The following MAU2 variants were observed in gnomAD, a reference collection of about 807,000 sequenced individuals.
MAU2 encodes the protein MAU2 sister chromatid cohesion factor.
Under a neutral mutation model 89.1 loss-of-function variants are expected in MAU2, and 9 were observed. The observed-to-expected ratio is 0.10, with a 90% CI of 0.06 to 0.18. The LOEUF is 0.18. Ranked by LOEUF, MAU2 falls within the 10% of genes least tolerant of loss-of-function variation. The pLI is 1.00. For missense variants in MAU2, 425 were observed against 803.5 expected, an observed-to-expected ratio of 0.53 and a Z score of 5.69; for synonymous variants, 357 against 343.4, an observed-to-expected ratio of 1.04 and a Z score of -0.44.
chr19:19,344,583 G>A (rs921280093), intron 10 of MAU2: 1 of 550,388 alleles, frequency 1.8e-6, no homozygotes, highest in Non-Finnish European at 3.3e-6. Flanking sequence ...GAGGGCATGG[G>A]GGCCCTCAGT....
chr19:19,334,695 T>C (rs946035983), intron 1 of MAU2: 15 of 743,524 alleles, frequency 2.0e-5, no homozygotes, highest in Non-Finnish European at 2.5e-5. Context: ...TGTTGCCGCA[T>C]GAGTGGCAGA....
In MAU2 at chr19:19,341,182, C is replaced by A. The variant is rs562960683; in HGVS notation, c.580-70C>A. 14 of 1,535,810 alleles carry A rather than the reference C, an allele frequency of 9.1e-6. No individual in the cohort carries two copies. The South Asian group carries it at 1.7e-4, about 19-fold the overall frequency. On this transcript the variant is annotated intron_variant, in intron 6 of 18. Transcript: ENST00000262815. ...AGTCCCAGGGCAGGTGGGCAGGTGA[C>A]CCTGTGCTCCCGGTCCTGGGAGGGC... is the stretch of plus-strand genomic sequence containing the variant.
chr19:19,355,656 T>A (rs1443664769), intron 18 of MAU2, 52 bp from the exon 19 acceptor site: 2 of 1,497,938 alleles, frequency 1.3e-6, no homozygotes, highest in South Asian at 1.2e-5. Flanking sequence ...AACCTCTTCT[T>A]CCCTGGGAAC....
intron 3 of MAU2, among the ~76,000 whole-genome samples, chr19:19,336,407 C>T (rs1442607270): frequency 1.3e-5 from 2 of 152,090 alleles, no homozygotes; most frequent in African/African-American, 4.8e-5. Flanking sequence ...TCAAGTGATC[C>T]TCCCACCTCA....
chr19:19,348,824 T>C (rs555286588), intron 13 of MAU2, 65 bp from the exon 14 acceptor site: 1 of 1,540,322 alleles, frequency 6.5e-7, no homozygotes, highest in African/African-American at 1.4e-5. Flanking sequence ...TGCACTGCAG[T>C]GTGTCTTGGG....
chr19:19,354,292 T>G, intron 16 of MAU2, 63 bp from the exon 17 acceptor site: 1 of 1,344,140 alleles, frequency 7.4e-7, no homozygotes, highest in Non-Finnish European at 1.1e-6. Flanking sequence ...CACCCCAACC[T>G]GGGCTGGGTT....
intron 1 of MAU2, chr19:19,321,503 C>T (rs763038903): frequency 1.1e-5 from 2 of 186,764 alleles, no homozygotes; most frequent in Non-Finnish European, 2.2e-5. Flanking sequence ...CTATTAGCTC[C>T]TCCTGGTTCA....
chr19:19,354,739 C>T (rs2048158278), intron 17 of MAU2: 1 of 461,630 alleles, frequency 2.2e-6, no homozygotes, highest in Non-Finnish European at 4.0e-6. Flanking sequence ...CTTGCTTCTT[C>T]CCGGAAAGGC....
chr19:19,322,363 C>T (rs894699201), intron 1 of MAU2, among the ~76,000 whole-genome samples: 1 of 152,074 alleles, frequency 6.6e-6, no homozygotes, highest in Admixed American at 6.6e-5. Flanking sequence ...TTTTGGGAGG[C>T]GGAGGCAGAC....
intron 2 of MAU2, 53 bp downstream of exon 2, chr19:19,335,788 A>G (rs2061591338): frequency 1.3e-6 from 2 of 1,592,966 alleles, no homozygotes; most frequent in African/African-American, 2.7e-5. Flanking sequence ...CACTTAAATA[A>G]AAAGAATGTA....
rs530648459 is a variant in MAU2, at chr19:19,337,620, G to T, written c.456+355G>T. Among the ~76,000 whole-genome samples the T allele has an allele frequency of 6.6e-5, 10 of 152,300 alleles. No individual in the cohort carries two copies. The South Asian group carries it at 2.1e-3, about 32-fold the overall frequency. ...ATCTCATCTTTGGCCTGCACTCATTGAAATCCCAGGAACATTTCCTGCCAG... is the reference window on the plus strand; with the variant it reads ...ATCTCATCTTTGGCCTGCACTCATTTAAATCCCAGGAACATTTCCTGCCAG... On this transcript the variant is annotated intron_variant, in intron 4 of 18. Coordinates refer to ENST00000262815, the MANE Select transcript of MAU2 (RefSeq NM_015329.4).
intron 1 of MAU2, 119 bp downstream of exon 1, chr19:19,321,254 G>A (rs937283650): frequency 1.9e-5 from 23 of 1,233,034 alleles, no homozygotes; most frequent in Non-Finnish European, 2.2e-5. Context: ...CGCGACCTCC[G>A]TCAAAGCCGC....
intron 14 of MAU2, 49 bp from the exon 15 acceptor site, chr19:19,349,106 C>A (rs753765791): frequency 5.6e-6 from 9 of 1,607,640 alleles, no homozygotes; most frequent in African/African-American, 2.7e-5. Context: ...GTTTTGTAAA[C>A]CTGCTTCTCA....
chr19:19,348,699 C>A, intron 13 of MAU2, 190 bp from the exon 14 acceptor site: 1 of 686,286 alleles, frequency 1.5e-6, no homozygotes, highest in Non-Finnish European at 2.6e-6. Flanking sequence ...GCAGGGCTGG[C>A]TGAGGGTGTG....
At chr19:19,324,323 AG>A (rs1295697043) in intron 1 of MAU2, among the ~76,000 whole-genome samples, 1 of 152,166 alleles carries the variant, frequency 6.6e-6, no homozygotes. Context: ...GGAGTGCCTA[AG>A]CTGTCGGGGA....
intron 10 of MAU2, chr19:19,344,461 AC>A: frequency 3.6e-6 from 1 of 281,106 alleles, no homozygotes; most frequent in African/African-American, 2.2e-5. Context: ...AAGCTTGCAC[AC>A]CAAGGGGATA....
chr19:19,350,121 C>A (rs575541841), intron 16 of MAU2, among the ~76,000 whole-genome samples: 10 of 149,956 alleles, frequency 6.7e-5, no homozygotes, highest in African/African-American at 2.2e-4. Flanking sequence ...ATAGTGAAAC[C>A]CTGTCTCTTA....
At chr19:19,336,536 A>G (rs1040970610) in intron 3 of MAU2, among the ~76,000 whole-genome samples, 1 of 152,184 alleles carries the variant, frequency 6.6e-6, no homozygotes, top group Non-Finnish European at 1.5e-5. Context: ...GACTTCCCAA[A>G]GTGCCAAAAT....
At chr19:19,321,925 AC>A (rs1184164158) in intron 1 of MAU2, 2 of 151,768 alleles carry the variant, frequency 1.3e-5, no homozygotes, top group Non-Finnish European at 2.9e-5. Context: ...CCCTGACCCA[AC>A]TTGATTTGTG....
Sources: allele counts gnomAD v4.1 joint callset (sites outside exome capture counted in the v4.1 genomes callset), GRCh38; gene constraint gnomAD v4.1.1; transcripts MANE v1.5; gene names NCBI Gene and HGNC (gene_info 2026-07-23, HGNC 2026-07-21).